Variants in KCNH1 observed in about 807,000 individuals in gnomAD.
KCNH1 encodes voltage-gated delayed rectifier potassium channel KCNH1.
A neutral mutation model predicts 69.2 loss-of-function variants in KCNH1; 27 were observed. That is an observed-to-expected ratio of 0.39 (90% CI 0.29 to 0.54). KCNH1 has a LOEUF of 0.54. Ranked by LOEUF, KCNH1 falls within the 20% of genes least tolerant of loss-of-function variation. The probability of loss-of-function intolerance (pLI) is 0.68; values close to 1 mark genes in which losing one functional copy is unlikely to be tolerated. For synonymous variants in KCNH1, 456 were observed against 487.7 expected (o/e 0.93, Z 0.86); for missense variants, 798 against 1,261.6 (o/e 0.63, Z 5.57).
intron 9 of KCNH1, among the ~76,000 whole-genome samples, chr1:210,784,621 CTAAAGGGCATCTA>C (rs538612968): frequency 4.6e-4 from 70 of 152,276 alleles, no homozygotes; most frequent in African/African-American, 1.6e-3. Context: ...CTCTACTTCT[CTAAAGGGCATCTA>C]TGCCTAGAAA....
chr1:211,131,070 T>A (rs772800023), intron 1 of KCNH1, among the ~76,000 whole-genome samples: 2 of 152,104 alleles, frequency 1.3e-5, no homozygotes, highest in Non-Finnish European at 2.9e-5. Flanking sequence ...GAATCTGACA[T>A]TGGACTCAAA....
At chr1:211,006,133 T>A (rs542337302) in intron 6 of KCNH1, among the ~76,000 whole-genome samples, 1 of 152,226 alleles carries the variant, frequency 6.6e-6, no homozygotes, top group African/African-American at 2.4e-5. Flanking sequence ...GAAACTCTCA[T>A]GTATTGCAAC....
At chr1:210,797,033 A>G (rs1684328894) in intron 9 of KCNH1, among the ~76,000 whole-genome samples, 1 of 152,092 alleles carries the variant, frequency 6.6e-6, no homozygotes, top group Admixed American at 6.5e-5. Flanking sequence ...TGTTCCAGCC[A>G]CACTAAATAA....
At chr1:211,092,154 A>G (rs1359103267) in intron 3 of KCNH1, among the ~76,000 whole-genome samples, 1 of 152,190 alleles carries the variant, frequency 6.6e-6, no homozygotes. Flanking sequence ...TACATATATT[A>G]TTTTGTGAGA....
At chr1:210,795,962 A>AACAC (rs369505764) in intron 9 of KCNH1, among the ~76,000 whole-genome samples, 10,352 of 135,858 alleles carry the variant, frequency 0.076, 581 homozygotes, top group Admixed American at 0.18. Context: ...CTCTACTAAA[A>AACAC]ACACACACAC....
chr1:210,721,972 C>T (rs1682476654), intron 10 of KCNH1, among the ~76,000 whole-genome samples: 1 of 151,960 alleles, frequency 6.6e-6, no homozygotes, highest in South Asian at 2.1e-4. Flanking sequence ...TGAAGATGAC[C>T]CTCTCCCCCA....
chr1:210,679,265 G>A lies in KCNH1; in HGVS notation c.*4016C>T, dbSNP rs1681209964. The A allele has an allele frequency of 6.6e-6, 1 of 152,204 alleles. No individual in the cohort carries two copies. The highest frequency in any genetic ancestry group is 6.5e-5 in the Admixed American group (1 of 15,280). The allele number at this position is 152,204 out of a possible 1,614,324, so 9.4% of individuals were successfully genotyped here. A position where few individuals can be genotyped will look rare whatever the true frequency, so the allele number is the denominator to read the frequency against. On this transcript the variant is annotated 3_prime_UTR_variant, in exon 11 of 11. Coordinates refer to ENST00000271751, the MANE Select transcript of KCNH1 (RefSeq NM_172362.3). ...AGAGGGAGGCTGTCTGGGGCATCAA[G>A]TGTGCCCTCAATGGCCTCCTCTTTA...
rs568933205 is a variant in KCNH1 at position 210,982,668 on chromosome 1, G to A, written c.1032+36115C>T. Among the ~76,000 whole-genome samples, 22 of 151,924 alleles carry A rather than the reference G, an allele frequency of 1.4e-4. No individual in the cohort carries two copies. In the South Asian group the frequency reaches 2.3e-3, roughly 16 times the overall value. On this transcript the variant is annotated intron_variant, in intron 6 of 10. Transcript: ENST00000271751. ...CCACATTTTCTTAATCCAGTCTATC[G>A]TTGTTGGACATTTGGGTTGGTTCCA...
chr1:210,705,458 G>GTGAT (rs1191062892), intron 10 of KCNH1, among the ~76,000 whole-genome samples: 3 of 152,198 alleles, frequency 2.0e-5, no homozygotes, highest in Non-Finnish European at 2.9e-5. Context: ...CCAAGCAACA[G>GTGAT]TGATAGAGTC....
chr1:210,842,985 C>T (rs1685442258), intron 7 of KCNH1, among the ~76,000 whole-genome samples: 1 of 152,150 alleles, frequency 6.6e-6, no homozygotes, highest in Non-Finnish European at 1.5e-5. Context: ...TCCTCATTCA[C>T]TACATATATT....
At chr1:210,854,561 G>A (rs1427096080) in intron 7 of KCNH1, among the ~76,000 whole-genome samples, 2 of 152,188 alleles carry the variant, frequency 1.3e-5, no homozygotes, top group African/African-American at 4.8e-5. Context: ...TGTCTGAAAG[G>A]TCTGGAGACC....
intron 6 of KCNH1, among the ~76,000 whole-genome samples, chr1:210,938,332 G>A (rs562904726): frequency 4.6e-5 from 7 of 152,190 alleles, no homozygotes; most frequent in South Asian, 2.1e-4. Context: ...AGAAACACAC[G>A]TTAAATACTA....
At chr1:210,772,066 T>C (rs1183347453) in intron 10 of KCNH1, among the ~76,000 whole-genome samples, 1 of 152,136 alleles carries the variant, frequency 6.6e-6, no homozygotes, top group Non-Finnish European at 1.5e-5. Flanking sequence ...GAGGCTAGAG[T>C]AGAACAGGAA....
At position 210,938,070 on chromosome 1, in the gene KCNH1, C is replaced by T. The variant is rs758918870; in HGVS notation, c.1033-18001G>A. On this transcript the variant is annotated intron_variant, in intron 6 of 10. Coordinates refer to ENST00000271751, the MANE Select transcript of KCNH1 (RefSeq NM_172362.3). Reference sequence around the variant, plus strand: ...ACCCTTGGTCATGTCATTGGAATGTCCATGGGTTTGGCATGTCTAACCTTC... The same window carrying T: ...ACCCTTGGTCATGTCATTGGAATGTTCATGGGTTTGGCATGTCTAACCTTC... Among the ~76,000 whole-genome samples, 78 of 152,226 alleles carry T rather than the reference C, an allele frequency of 5.1e-4. 2 individuals carry two copies. Among genetic ancestry groups the T allele is most frequent in the Non-Finnish European group, 6.9e-4 (47 of 68,036 alleles).
chr1:210,750,868 C>T (rs940269336), intron 10 of KCNH1, among the ~76,000 whole-genome samples: 25 of 151,994 alleles, frequency 1.6e-4, no homozygotes, highest in African/African-American at 6.1e-4. Context: ...TATGAGAGCT[C>T]ATCTAATGTT....
At chr1:211,000,771 G>A (rs1220479303) in intron 6 of KCNH1, among the ~76,000 whole-genome samples, 1 of 152,092 alleles carries the variant, frequency 6.6e-6, no homozygotes, top group Admixed American at 6.6e-5. Context: ...TATACTACAA[G>A]GCTACAGTAA....
At chr1:210,933,020 T>C (rs1022132779) in intron 6 of KCNH1, among the ~76,000 whole-genome samples, 1 of 152,212 alleles carries the variant, frequency 6.6e-6, no homozygotes, top group Non-Finnish European at 1.5e-5. Flanking sequence ...GTCATAGACA[T>C]TTACCCACAT....
At chr1:210,843,246 G>A (rs754408612) in intron 7 of KCNH1, among the ~76,000 whole-genome samples, 6 of 152,132 alleles carry the variant, frequency 3.9e-5, no homozygotes, top group East Asian at 1.9e-4. Context: ...TGGGAGTGGC[G>A]CTTCTAGACC....
chr1:211,014,324 C>T (rs765628153), intron 6 of KCNH1, among the ~76,000 whole-genome samples: 2 of 152,216 alleles, frequency 1.3e-5, no homozygotes, highest in African/African-American at 2.4e-5. Flanking sequence ...CATACCCGTT[C>T]TAAGCTTTAG....
Sources: gnomAD v4.1 joint callset for allele counts (sites outside exome capture counted in the v4.1 genomes callset) on GRCh38, gnomAD v4.1.1 for gene constraint, MANE v1.5 for transcripts, NCBI Gene and HGNC (gene_info 2026-07-23, HGNC 2026-07-21) for gene names.